KMT2E: variants seen among roughly 807,000 people sequenced by gnomAD.
KMT2E encodes histone reader KMT2E.
Under a neutral mutation model 184.6 loss-of-function variants are expected in KMT2E, and 30 were observed. The observed-to-expected ratio is 0.16, with a 90% confidence interval of 0.12 to 0.22. KMT2E has a LOEUF of 0.22. Ranked by LOEUF, KMT2E falls within the 10% of genes least tolerant of loss-of-function variation. KMT2E has a pLI of 1.00. For missense variants in KMT2E, 2,023 were observed against 2,237.4 expected, an observed-to-expected ratio of 0.90 and a Z score of 1.93; for synonymous variants, 815 against 776.5, an observed-to-expected ratio of 1.05 and a Z score of -0.82.
At chr7:105,061,090 C>T (rs1339734729) in intron 3 of KMT2E, among the ~76,000 whole-genome samples, 1 of 152,056 alleles carries the variant, frequency 6.6e-6, no homozygotes, top group African/African-American at 2.4e-5. Flanking sequence ...CCTCTTTTTG[C>T]TGATTCTGGC....
Position 105,112,930 on chromosome 7 carries a change from G to C in KMT2E, c.5174G>C (p.Ser1725Thr). The change falls in exon 27 of 27, where the codon AGT (serine) becomes ACT (threonine). Residue 1725 changes from serine to threonine, a missense_variant. Ser to Thr is a moderately conservative substitution (Grantham distance 58, BLOSUM62 1). This residue lies in a region of KMT2E where 1,108 missense variants were observed against 1,050.9 expected (regional missense o/e 1.05). Coordinates refer to ENST00000311117, the MANE Select transcript of KMT2E (RefSeq NM_182931.3). The part of the protein sequence containing the change: ...PPPPPPPPPS[S>T]VLASGHHTTS... Reference sequence around the variant, plus strand: ...CCACCCCCTCCGCCGCCACCTTCCAGTGTTTTGGCTTCTGGGCATCATACC... The same window carrying C: ...CCACCCCCTCCGCCGCCACCTTCCACTGTTTTGGCTTCTGGGCATCATACC... The C allele has an allele frequency of 1.2e-6, 2 of 1,613,686 alleles. No individual in the cohort carries two copies. Among genetic ancestry groups the C allele is most frequent in the Non-Finnish European group, 1.7e-6 (2 of 1,179,958 alleles).
chr7:105,043,173 A>T (rs1795953176), intron 3 of KMT2E, among the ~76,000 whole-genome samples: 1 of 152,044 alleles, frequency 6.6e-6, no homozygotes, highest in Admixed American at 6.6e-5. Flanking sequence ...ATGCCTCCTC[A>T]ATTTAATGAT....
intron 3 of KMT2E, among the ~76,000 whole-genome samples, chr7:105,047,563 C>T (rs367902317): frequency 1.3e-5 from 2 of 152,186 alleles, no homozygotes; most frequent in Admixed American, 6.5e-5. Context: ...ATTTGTTGAG[C>T]GCTGCTGTGC....
chr7:105,045,389 CACT>C (rs986733306), intron 3 of KMT2E, among the ~76,000 whole-genome samples: 2 of 152,192 alleles, frequency 1.3e-5, no homozygotes, highest in African/African-American at 4.8e-5. Flanking sequence ...GTGCAGCCAT[CACT>C]ACTGTTTTCA....
At chr7:105,039,159 G>A (rs766940431) in intron 2 of KMT2E, 1 of 152,234 alleles carries the variant, frequency 6.6e-6, no homozygotes, top group African/African-American at 2.4e-5. Flanking sequence ...GTAGAATGCT[G>A]TTATGTCCCA....
intron 15 of KMT2E, among the ~76,000 whole-genome samples, chr7:105,097,963 C>CGTTT (rs1798483378): frequency 6.6e-6 from 1 of 151,996 alleles, no homozygotes; most frequent in East Asian, 1.9e-4. Context: ...AAATAACAAA[C>CGTTT]GAGTATCAAA....
intron 2 of KMT2E, chr7:105,039,308 A>G (rs546910403): frequency 1.2e-4 from 19 of 152,324 alleles, no homozygotes; most frequent in African/African-American, 4.3e-4. Context: ...AAAAAGGGAC[A>G]TACTAGTAAA....
chr7:105,054,514 ATCTGTCTGTCTG>A (rs975762973), intron 3 of KMT2E, among the ~76,000 whole-genome samples: 3 of 137,460 alleles, frequency 2.2e-5, no homozygotes, highest in African/African-American at 7.8e-5. Context: ...CTATCTATCT[ATCTGTCTGTCTG>A]TCTATTTGAG....
chr7:105,019,260 C>G (rs1054266663), intron 1 of KMT2E, among the ~76,000 whole-genome samples: 1 of 152,100 alleles, frequency 6.6e-6, no homozygotes, highest in Non-Finnish European at 1.5e-5. Flanking sequence ...TCAGGAAAAG[C>G]AGTTGGTCTT....
intron 1 of KMT2E, among the ~76,000 whole-genome samples, chr7:105,024,535 A>G (rs905429462): frequency 2.6e-5 from 4 of 152,168 alleles, no homozygotes; most frequent in African/African-American, 7.2e-5. Context: ...CAAGGACCTC[A>G]TGTATCAATT....
intron 1 of KMT2E, among the ~76,000 whole-genome samples, chr7:105,032,379 G>C (rs535679467): frequency 2.6e-4 from 39 of 152,302 alleles, no homozygotes; most frequent in Middle Eastern, 3.4e-3. Flanking sequence ...GGGAGGTGGA[G>C]GTTGCAGTGA....
chr7:105,024,399 G>C (rs1276214628), intron 1 of KMT2E, among the ~76,000 whole-genome samples: 2 of 152,152 alleles, frequency 1.3e-5, no homozygotes, highest in African/African-American at 4.8e-5. Context: ...TGAACGAAAG[G>C]ATTTTCTTTC....
chr7:105,032,360 C>G (rs951058398), intron 1 of KMT2E, among the ~76,000 whole-genome samples: 13 of 152,068 alleles, frequency 8.5e-5, no homozygotes, highest in African/African-American at 3.1e-4. Flanking sequence ...AGGAATATCG[C>G]TTGAACCTGG....
intron 1 of KMT2E, among the ~76,000 whole-genome samples, chr7:105,019,014 C>T (rs1053830459): frequency 2.0e-5 from 3 of 150,922 alleles, no homozygotes; most frequent in African/African-American, 7.4e-5. Context: ...ATAAAATACT[C>T]TGTTTAATAG....
At chr7:105,076,369 G>C (rs746567862) in intron 9 of KMT2E, among the ~76,000 whole-genome samples, 13 of 152,188 alleles carry the variant, frequency 8.5e-5, no homozygotes, top group Non-Finnish European at 1.6e-4. Flanking sequence ...TCTGATGCCA[G>C]TTAGTATTAC....
Position 105,114,741 on chromosome 7 carries a change from GT to G in KMT2E, c.*1413del, listed in dbSNP as rs1336484345. Among the ~76,000 whole-genome samples the G allele has an allele frequency of 2.6e-5, 4 of 152,120 alleles. No homozygotes were observed. Among genetic ancestry groups the G allele is most frequent in the African/African-American group, 9.7e-5 (4 of 41,444 alleles). ...TGACTGCGTGACCTCATTCAGTCAT[GT>G]TTTTACACTTTGAACCTCTATTTAT... On this transcript the variant is annotated 3_prime_UTR_variant, in exon 27 of 27. Transcript: ENST00000311117.
chr7:105,113,914 T>TTGA lies in KMT2E; in HGVS notation c.*583_*585dup, dbSNP rs1799461856. The TTGA allele has an allele frequency of 1.3e-5, 2 of 154,580 alleles. No homozygotes were observed. Among genetic ancestry groups the TTGA allele is most frequent in the Admixed American group, 1.3e-4 (2 of 15,310 alleles). 9.6% of individuals were successfully genotyped at this position (154,580 alleles called of 1,614,324 possible). On this transcript the variant is annotated 3_prime_UTR_variant, in exon 27 of 27. Transcript: ENST00000311117. Reference sequence around the variant, plus strand: ...TATAATTGCTTACAGCTTTTCTCATTTGATATATAGCATTGTACATATGAC... The same window carrying TTGA: ...TATAATTGCTTACAGCTTTTCTCATTTGATGATATATAGCATTGTACATATGAC...
intron 13 of KMT2E, among the ~76,000 whole-genome samples, chr7:105,085,042 CT>C (rs548127073): frequency 4.6e-4 from 65 of 142,302 alleles, no homozygotes; most frequent in Admixed American, 7.7e-4. Context: ...ATAACTTTTT[CT>C]TTTTTTTTTA....
chr7:105,073,173 C>T (rs1797394623), intron 6 of KMT2E, among the ~76,000 whole-genome samples: 1 of 151,180 alleles, frequency 6.6e-6, no homozygotes. Context: ...CTTTGGGAGG[C>T]AGGGGTGGGA....
Sources: allele counts gnomAD v4.1 joint callset (sites outside exome capture counted in the v4.1 genomes callset), GRCh38; gene constraint gnomAD v4.1.1; regional missense constraint gnomAD v4.1.1; transcripts MANE v1.5; gene names NCBI Gene and HGNC (gene_info 2026-07-23, HGNC 2026-07-21).